AOC2: variants seen among roughly 807,000 people sequenced by gnomAD.
The protein encoded by AOC2 is amine oxidase [copper-containing] 2.
Under a neutral mutation model 53.8 loss-of-function variants are expected in AOC2, and 57 were observed. That is an observed-to-expected ratio of 1.06 (90% CI 0.86 to 1.32). The LOEUF (loss-of-function observed/expected upper bound fraction) is 1.32, where lower values mean the gene tolerates loss of function less well. Ranked by LOEUF, AOC2 falls within the 40% of genes most tolerant of loss-of-function variation. The probability of loss-of-function intolerance (pLI) is 0.00; values close to 1 mark genes in which losing one functional copy is unlikely to be tolerated. For synonymous variants in AOC2, 404 were observed against 399.0 expected, an observed-to-expected ratio of 1.01 and a Z score of -0.15; for missense variants, 1,008 against 957.2, an observed-to-expected ratio of 1.05 and a Z score of -0.70.
chr17:42,844,844 A>G lies in AOC2; in HGVS notation c.218A>G (p.Gln73Arg). ...ACAGCTGTGATGCGCTTTCTGACCCAGCGGCTGGGGCCAGGGCTGGTGGAC... is the reference window on the plus strand; with the variant it reads ...ACAGCTGTGATGCGCTTTCTGACCCGGCGGCTGGGGCCAGGGCTGGTGGAC... ...ELTAVMRFLT[Q>R]RLGPGLVDAA... The change falls in exon 1 of 4, where the codon CAG becomes CGG. Residue 73 changes from glutamine (Q) to arginine (R), a missense_variant. Gln to Arg is a conservative substitution (Grantham distance 43). Coordinates refer to ENST00000253799, the MANE Select transcript of AOC2 (RefSeq NM_009590.4). The G allele has an allele frequency of 6.2e-7, 1 of 1,612,492 alleles. No homozygotes were observed.
rs34351794 is a variant in AOC2, at chr17:42,845,907, G to T, written c.1281G>T (p.Glu427Asp). The T allele has an allele frequency of 3.4e-4, 554 of 1,614,170 alleles. 5 individuals carry two copies. In the East Asian group the frequency reaches 0.012, roughly 34 times the overall value. The change falls in exon 1 of 4, where the codon GAG (glutamate) becomes GAT (aspartate). Residue 427 changes from glutamate to aspartate, a missense_variant. Glu to Asp is a conservative substitution (Grantham distance 45, BLOSUM62 2). Coordinates refer to ENST00000253799, the MANE Select transcript of AOC2 (RefSeq NM_009590.4). ...QLLPGAVCVFEEAQGLPLRRH... is the reference protein window; with the variant it reads ...QLLPGAVCVFDEAQGLPLRRH... ...TTCCAGGGGCTGTGTGTGTATTTGAGGAAGCCCAGGGACTGCCCCTTCGAA... is the reference window on the plus strand; with the variant it reads ...TTCCAGGGGCTGTGTGTGTATTTGATGAAGCCCAGGGACTGCCCCTTCGAA...
chr17:42,846,277 G>A (rs2144273815), intron 1 of AOC2, 63 bp downstream of exon 1: 2 of 1,469,566 alleles, frequency 1.4e-6, no homozygotes, highest in Non-Finnish European at 1.8e-6. Context: ...GGAGGGAAGG[G>A]AAGGGAATCT....
chr17:42,847,483 T>G (rs2055607979), intron 1 of AOC2, among the ~76,000 whole-genome samples: 1 of 152,202 alleles, frequency 6.6e-6, no homozygotes, highest in Non-Finnish European at 1.5e-5. Flanking sequence ...TTATGGATGC[T>G]GTAGAATTCC....
intron 1 of AOC2, among the ~76,000 whole-genome samples, chr17:42,847,654 T>A (rs564503978): frequency 6.6e-6 from 1 of 152,290 alleles, no homozygotes; most frequent in African/African-American, 2.4e-5. Context: ...AGTGTCTCAC[T>A]GTCACCCAGG....
rs146472486 is a variant in AOC2 at position 42,850,171 on chromosome 17, C to T, written c.2094C>T (p.Gly698=). ...CAGTGACTCTGGGGAACAGAGTTGG[C>T]TTCTTGCTCCGACCCTATAACTTCT... ...PNTVTLGNRV[G]FLLRPYNFFD... The change falls in exon 4 of 4, where the codon GGC becomes GGT. Residue 698 remains glycine, a synonymous_variant. Coordinates refer to ENST00000253799, the MANE Select transcript of AOC2 (RefSeq NM_009590.4). 507 of 1,614,092 alleles carry T rather than the reference C, an allele frequency of 3.1e-4. 1 individual carries two copies. Among genetic ancestry groups the T allele is most frequent in the Non-Finnish European group, 5.3e-5 (63 of 1,180,046 alleles).
chr17:42,845,852 T>C lies in AOC2; in HGVS notation c.1226T>C (p.Ile409Thr), dbSNP rs975858262. Residue 409 changes from isoleucine (I) to threonine (T), a missense_variant, in exon 1 of 4, where the codon ATA becomes ACA. By Grantham distance (89) the Ile-to-Thr change is moderately conservative. Coordinates refer to ENST00000253799, the MANE Select transcript of AOC2 (RefSeq NM_009590.4). Reference protein sequence around the residue: ...PYQATMVDIHILVGKGAVQLL... With the variant: ...PYQATMVDIHTLVGKGAVQLL... ...CAAGCCACGATGGTGGACATCCATA[T>C]ATTAGTGGGCAAAGGGGCAGTCCAG... The C allele has an allele frequency of 6.2e-7, 1 of 1,614,036 alleles. No homozygotes were observed. Among genetic ancestry groups the C allele is most frequent in the African/African-American group, 1.3e-5 (1 of 74,910 alleles).
In AOC2 at chr17:42,850,339, C is replaced by G; in HGVS notation, c.2262C>G (p.His754Gln). The change falls in exon 4 of 4, where the codon CAC (histidine) becomes CAG (glutamine). Residue 754 changes from histidine to glutamine, a missense_variant. Transcript: ENST00000253799. ...CVPDLPPFSY[H>Q]GF The stretch of plus-strand genomic sequence containing the variant: ...CGGACTTACCCCCTTTCTCTTACCA[C>G]GGCTTCTAGTCCTGAGGGTGTGGCG... 1 of 1,598,402 alleles carries G rather than the reference C, an allele frequency of 6.3e-7. No homozygotes were observed. The highest frequency in any genetic ancestry group is 8.6e-7 in the Non-Finnish European group (1 of 1,167,654).
rs1218432663 is a variant in AOC2, at chr17:42,847,705, ACCT to A, written c.1589-1377_1589-1375del. 3.3e-5 allele frequency among the ~76,000 whole-genome samples: 5 copies of A among 151,600 alleles called. No homozygotes were observed. The South Asian group carries it at 8.4e-4, about 25-fold the overall frequency. ...GCAATCACAGGTTACTGCAGCCCTG[ACCT>A]CCTGGGCTCAAGCAATCCTCCTGCC... is the stretch of plus-strand genomic sequence containing the variant. On this transcript the variant is annotated intron_variant, in intron 1 of 3. Transcript: ENST00000253799.
chr17:42,844,685 T>C lies in AOC2; in HGVS notation c.59T>C (p.Leu20Pro). Reference protein sequence around the residue: ...LALSLITIFALAYVLLTSPGG... With the variant: ...LALSLITIFAPAYVLLTSPGG... ...CTGTCCCTCATTACCATCTTTGCCC[T>C]GGCCTATGTTTTGCTGACCAGCCCA... is the stretch of plus-strand genomic sequence containing the variant. Residue 20 changes from leucine to proline, a missense_variant, in exon 1 of 4, where the codon CTG (leucine) becomes CCG (proline). Transcript: ENST00000253799. 6.2e-7 allele frequency: 1 copy of C among 1,614,234 alleles called. No homozygotes were observed. Among genetic ancestry groups the C allele is most frequent in the East Asian group, 2.2e-5 (1 of 44,888 alleles).
chr17:42,845,174 AG>A lies in AOC2; in HGVS notation c.549del (p.Glu183AspfsTer114). On this transcript the variant is annotated frameshift_variant, in exon 1 of 4. Transcript: ENST00000253799. LOFTEE classifies it high-confidence loss of function. ...ATGTGGAGGCATCTGAAAGAGGTGG[AG>A]CTACCCAAGGCACCCATCTTCCTGT... The part of the protein sequence containing the change: ...TQMWRHLKEV[E>X]LPKAPIFLSS... 6.2e-7 allele frequency: 1 copy of A among 1,613,794 alleles called. No individual in the cohort carries two copies. Among genetic ancestry groups the A allele is most frequent in the Non-Finnish European group, 8.5e-7 (1 of 1,180,018 alleles).
Position 42,845,228 on chromosome 17 carries a change from C to G in AOC2, c.602C>G (p.Thr201Ser), listed in dbSNP as rs1403561603. 6.2e-7 allele frequency: 1 copy of G among 1,614,060 alleles called. No homozygotes were observed. The highest frequency in any genetic ancestry group is 1.1e-5 in the South Asian group (1 of 91,090). The change falls in exon 1 of 4, where the codon ACC becomes AGC. Residue 201 changes from threonine (T) to serine (S), a missense_variant. Physicochemically the swap from Thr to Ser is moderately conservative, Grantham distance 58. Coordinates refer to ENST00000253799, the MANE Select transcript of AOC2 (RefSeq NM_009590.4). ...LSSTFNYNGS[T>S]LAAVHATPRG... ...TCCACCTTCAACTACAATGGCTCTA[C>G]CCTGGCAGCTGTGCATGCCACCCCT...
Position 42,844,923 on chromosome 17 carries a change from GC to G in AOC2, c.303del (p.Lys102ArgfsTer33). On this transcript the variant is annotated frameshift_variant, in exon 1 of 4. Coordinates refer to ENST00000253799, the MANE Select transcript of AOC2 (RefSeq NM_009590.4). LOFTEE classifies it high-confidence loss of function. ...NCIFSVELQLPPKAAALAHLD... is the reference protein window; with the variant it reads ...NCIFSVELQLXPKAAALAHLD... ...GCATCTTCTCAGTGGAGCTGCAGCT[GC>G]CCCCCAAGGCTGCAGCCCTGGCCCA... 1 of 1,612,690 alleles carries G rather than the reference GC, an allele frequency of 6.2e-7. No homozygotes were observed. Among genetic ancestry groups the G allele is most frequent in the Non-Finnish European group, 8.5e-7 (1 of 1,179,294 alleles).
Position 42,845,100 on chromosome 17 carries a change from G to T in AOC2, c.474G>T (p.Gly158=), listed in dbSNP as rs758005913. ...MRDVTVERHG[G]PLPYHRRPVL... ...ATGTGACTGTGGAGCGTCACGGCGGGCCCCTGCCCTATCACCGTCGCCCGG... is the reference window on the plus strand; with the variant it reads ...ATGTGACTGTGGAGCGTCACGGCGGTCCCCTGCCCTATCACCGTCGCCCGG... Residue 158 remains glycine (G), a synonymous_variant, in exon 1 of 4, where the codon GGG becomes GGT. Coordinates refer to ENST00000253799, the MANE Select transcript of AOC2 (RefSeq NM_009590.4). 13 of 1,613,724 alleles carry T rather than the reference G, an allele frequency of 8.1e-6. 1 individual carries two copies. The highest frequency in any genetic ancestry group is 1.6e-4 in the Middle Eastern group (1 of 6,062).
At position 42,845,100 on chromosome 17, in the gene AOC2, G is replaced by A. The variant is rs758005913; in HGVS notation, c.474G>A (p.Gly158=). ...MRDVTVERHG[G]PLPYHRRPVL... is the part of the protein sequence containing the mutation. ...ATGTGACTGTGGAGCGTCACGGCGGGCCCCTGCCCTATCACCGTCGCCCGG... is the reference window on the plus strand; with the variant it reads ...ATGTGACTGTGGAGCGTCACGGCGGACCCCTGCCCTATCACCGTCGCCCGG... Residue 158 remains glycine (G), a synonymous_variant, in exon 1 of 4, where the codon GGG becomes GGA. Transcript: ENST00000253799. 4 of 1,613,722 alleles carry A rather than the reference G, an allele frequency of 2.5e-6. No homozygotes were observed. The highest frequency in any genetic ancestry group is 3.4e-6 in the Non-Finnish European group (4 of 1,180,024).
chr17:42,844,687 G>C lies in AOC2; in HGVS notation c.61G>C (p.Ala21Pro). 6.2e-7 allele frequency: 1 copy of C among 1,614,142 alleles called. No individual in the cohort carries two copies. The highest frequency in any genetic ancestry group is 1.3e-5 in the African/African-American group (1 of 75,038). Residue 21 changes from alanine (A) to proline (P), a missense_variant, in exon 1 of 4, where the codon GCC becomes CCC. By Grantham distance (27) the Ala-to-Pro change is conservative. Transcript: ENST00000253799. ...ALSLITIFALAYVLLTSPGGS... is the reference protein window; with the variant it reads ...ALSLITIFALPYVLLTSPGGS... ...GTCCCTCATTACCATCTTTGCCCTG[G>C]CCTATGTTTTGCTGACCAGCCCAGG...
At chr17:42,846,263 G>C in intron 1 of AOC2, 49 bp downstream of exon 1, 1 of 1,493,130 alleles carries the variant, frequency 6.7e-7, no homozygotes, top group Non-Finnish European at 8.9e-7. Context: ...GGGTCAGGTG[G>C]GGTGGAGGGA....
chr17:42,849,134 C>G lies in AOC2; in HGVS notation c.1637C>G (p.Ala546Gly). The change falls in exon 2 of 4, where the codon GCT (alanine) becomes GGT (glycine). Residue 546 changes from alanine (A) to glycine (G), a missense_variant. Transcript: ENST00000253799. Reference protein sequence around the residue: ...VAEDVVFKPVAAPWNPEHWLQ... With the variant: ...VAEDVVFKPVGAPWNPEHWLQ... Reference sequence around the variant, plus strand: ...GAAGACGTGGTGTTTAAACCTGTGGCTGCCCCCTGGAACCCGGAGCACTGG... The same window carrying G: ...GAAGACGTGGTGTTTAAACCTGTGGGTGCCCCCTGGAACCCGGAGCACTGG... 6.2e-7 allele frequency: 1 copy of G among 1,614,106 alleles called. No individual in the cohort carries two copies. The highest frequency in any genetic ancestry group is 8.5e-7 in the Non-Finnish European group (1 of 1,179,962).
rs1343913435 is a variant in AOC2 at position 42,844,897 on chromosome 17, T to TG, written c.272dup (p.Cys91TrpfsTer46). 1 of 1,612,912 alleles carries TG rather than the reference T, an allele frequency of 6.2e-7. No homozygotes were observed. Among genetic ancestry groups the TG allele is most frequent in the Non-Finnish European group, 8.5e-7 (1 of 1,179,346 alleles). ...AGCCCAGGCTCAGCCCTCGGACAAC[T>TG]GCATCTTCTCAGTGGAGCTGCAGCT... is the stretch of plus-strand genomic sequence containing the variant. On this transcript the variant is annotated frameshift_variant, in exon 1 of 4. Coordinates refer to ENST00000253799, the MANE Select transcript of AOC2 (RefSeq NM_009590.4). LOFTEE classifies it high-confidence loss of function.
Position 42,844,967 on chromosome 17 carries a change from C to T in AOC2, c.341C>T (p.Pro114Leu), listed in dbSNP as rs373389718. The T allele has an allele frequency of 3.1e-6, 5 of 1,610,820 alleles. No homozygotes were observed. The highest frequency in any genetic ancestry group is 4.2e-6 in the Non-Finnish European group (5 of 1,178,012). The change falls in exon 1 of 4, where the codon CCC (proline) becomes CTC (leucine). Residue 114 changes from proline (P) to leucine (L), a missense_variant. Pro to Leu is a moderately conservative substitution (Grantham distance 98, BLOSUM62 -3). Coordinates refer to ENST00000253799, the MANE Select transcript of AOC2 (RefSeq NM_009590.4). ...AALAHLDRGS[P>L]PPAREALAIV... ...CTGGCCCACCTGGACAGGGGGAGCC[C>T]CCCACCTGCCCGGGAGGCACTGGCC...
Sources: gnomAD v4.1 joint callset for allele counts (sites outside exome capture counted in the v4.1 genomes callset) on GRCh38, gnomAD v4.1.1 for gene constraint, MANE v1.5 for transcripts, NCBI Gene and HGNC (gene_info 2026-07-23, HGNC 2026-07-21) for gene names.